NRXN1: variants seen among roughly 807,000 people sequenced by gnomAD.
NRXN1 encodes neurexin-1.
A neutral mutation model predicts 150.9 loss-of-function variants in NRXN1; 39 were observed. The ratio of observed to expected loss-of-function variants is 0.26; its 90% CI spans 0.20 to 0.34. The LOEUF (loss-of-function observed/expected upper bound fraction) is 0.34. Among genes scored for constraint, NRXN1 ranks in the 10% least tolerant of loss-of-function variants. The probability of loss-of-function intolerance (pLI) is 1.00; values close to 1 mark genes in which losing one functional copy is unlikely to be tolerated. For synonymous variants in NRXN1, 924 were observed against 757.0 expected, an observed-to-expected ratio of 1.22 and a Z score of -3.62; for missense variants, 1,815 against 1,949.9, an observed-to-expected ratio of 0.93 and a Z score of 1.30.
intron 15 of NRXN1, among the ~76,000 whole-genome samples, chr2:50,495,094 A>T (rs2091490133): frequency 6.6e-6 from 1 of 151,742 alleles, no homozygotes; most frequent in African/African-American, 2.4e-5. Context: ...CCCTCCTCCG[A>T]TTTTCTACAT....
At chr2:50,634,612 C>A (rs1682952498) in intron 5 of NRXN1, among the ~76,000 whole-genome samples, 3 of 152,110 alleles carry the variant, frequency 2.0e-5, no homozygotes, top group African/African-American at 7.2e-5. Flanking sequence ...ATATCTTGGG[C>A]AGAATCACTG....
At chr2:50,200,665 T>G (rs969847003) in intron 18 of NRXN1, among the ~76,000 whole-genome samples, 1 of 152,114 alleles carries the variant, frequency 6.6e-6, no homozygotes, top group African/African-American at 2.4e-5. Context: ...CAATCTGGAA[T>G]AAAATCATTT....
At chr2:50,298,187 G>C (rs752066406) in intron 17 of NRXN1, among the ~76,000 whole-genome samples, 3 of 152,028 alleles carry the variant, frequency 2.0e-5, no homozygotes, top group Non-Finnish European at 4.4e-5. Context: ...ACCTCTTCTT[G>C]GCTCCCTTTC....
At chr2:50,992,384 C>A (rs191547981) in intron 2 of NRXN1, among the ~76,000 whole-genome samples, 1 of 151,976 alleles carries the variant, frequency 6.6e-6, no homozygotes, top group East Asian at 2.0e-4. Context: ...ACCCTCAAAC[C>A]TTTTATTAAA....
In NRXN1 at chr2:49,929,826, C is replaced by T. The variant is rs184233916; in HGVS notation, c.4217-7575G>A. Among the ~76,000 whole-genome samples the T allele has an allele frequency of 4.2e-3, 638 of 152,084 alleles. 9 individuals carry two copies. Among genetic ancestry groups the T allele is most frequent in the Non-Finnish European group, 3.2e-3 (219 of 68,008 alleles). ...GAGGTCCTGAGGGTATAGGAGATAA[C>T]GAAACAAACTTGATGTATATGTCCT... On this transcript the variant is annotated intron_variant, in intron 22 of 22. Coordinates refer to ENST00000401669, the MANE Select transcript of NRXN1 (RefSeq NM_001330078.2).
chr2:50,655,035 A>T (rs1408627709), intron 5 of NRXN1, among the ~76,000 whole-genome samples: 1 of 151,976 alleles, frequency 6.6e-6, no homozygotes, highest in Non-Finnish European at 1.5e-5. Context: ...AACATGTCAG[A>T]TCTTGATGTA....
At chr2:50,597,925 G>C (rs1675502639) in intron 8 of NRXN1, among the ~76,000 whole-genome samples, 1 of 152,074 alleles carries the variant, frequency 6.6e-6, no homozygotes, top group African/African-American at 2.4e-5. Context: ...AATTACCTGA[G>C]GTCAGGAGTT....
At chr2:50,727,339 C>G (rs1217259866) in intron 5 of NRXN1, among the ~76,000 whole-genome samples, 4 of 152,152 alleles carry the variant, frequency 2.6e-5, no homozygotes. Context: ...TGTGTTAACA[C>G]TAAAGTATCA....
chr2:50,818,192 G>GTTTTT (rs369379043), intron 5 of NRXN1, among the ~76,000 whole-genome samples: 57 of 135,820 alleles, frequency 4.2e-4, no homozygotes, highest in African/African-American at 1.1e-3. Flanking sequence ...AAAAACAATT[G>GTTTTT]TTTTTTTTTT....
chr2:50,004,368 G>A (rs1377115914), intron 21 of NRXN1, among the ~76,000 whole-genome samples: 1 of 152,012 alleles, frequency 6.6e-6, no homozygotes, highest in Non-Finnish European at 1.5e-5. Context: ...AAAAGTTAAG[G>A]TATATATAGA....
chr2:50,129,067 G>A (rs1238023754), intron 18 of NRXN1, among the ~76,000 whole-genome samples: 1 of 152,024 alleles, frequency 6.6e-6, no homozygotes, highest in African/African-American at 2.4e-5. Flanking sequence ...GATCCTCAAG[G>A]TGGTAAAACT....
chr2:50,134,726 T>A (rs1706116858), intron 18 of NRXN1, among the ~76,000 whole-genome samples: 1 of 152,196 alleles, frequency 6.6e-6, no homozygotes, highest in Non-Finnish European at 1.5e-5. Context: ...GTCCCCTAGC[T>A]GCAAATATTT....
At chr2:50,288,041 C>T (rs139581257) in intron 17 of NRXN1, among the ~76,000 whole-genome samples, 47 of 152,118 alleles carry the variant, frequency 3.1e-4, no homozygotes, top group African/African-American at 1.1e-3. Context: ...TGATGCACAA[C>T]CTAAATACAT....
At chr2:50,118,821 A>G (rs896683) in intron 18 of NRXN1, among the ~76,000 whole-genome samples, 39,775 of 152,084 alleles carry the variant, frequency 0.26, 5,618 homozygotes, top group Admixed American at 0.39. Context: ...ACAGATGTCA[A>G]TTTTAGCCTT....
chr2:50,509,020 C>T (rs1000278424), intron 12 of NRXN1, among the ~76,000 whole-genome samples: 6 of 152,128 alleles, frequency 3.9e-5, no homozygotes, highest in Non-Finnish European at 4.4e-5. Context: ...TTGCTGAGTG[C>T]TTATTATGTA....
intron 18 of NRXN1, among the ~76,000 whole-genome samples, chr2:50,133,007 A>T (rs1229291483): frequency 6.6e-6 from 1 of 152,172 alleles, no homozygotes; most frequent in Non-Finnish European, 1.5e-5. Flanking sequence ...GTTTGGGTGT[A>T]TCTTAGGAAG....
At chr2:50,757,234 AT>A (rs1181994775) in intron 5 of NRXN1, among the ~76,000 whole-genome samples, 2 of 151,878 alleles carry the variant, frequency 1.3e-5, no homozygotes, top group African/African-American at 4.8e-5. Flanking sequence ...TTAAGTAGAA[AT>A]GGTTATAGAA....
intron 8 of NRXN1, among the ~76,000 whole-genome samples, chr2:50,598,036 G>A (rs1675527177): frequency 6.6e-6 from 1 of 152,104 alleles, no homozygotes; most frequent in Non-Finnish European, 1.5e-5. Flanking sequence ...CTACTCGGGA[G>A]GCTGAGGCAG....
chr2:50,014,355 T>C (rs542637690), intron 21 of NRXN1, among the ~76,000 whole-genome samples: 1 of 152,154 alleles, frequency 6.6e-6, no homozygotes, highest in Non-Finnish European at 1.5e-5. Flanking sequence ...AAAAACTTCA[T>C]GTATGTCCTT....
Sources: gnomAD v4.1 joint callset for allele counts (sites outside exome capture counted in the v4.1 genomes callset) on GRCh38, gnomAD v4.1.1 for gene constraint, MANE v1.5 for transcripts, NCBI Gene and HGNC (gene_info 2026-07-23, HGNC 2026-07-21) for gene names.